Variants in COPB2 observed in about 807,000 individuals in gnomAD.
COPB2 encodes the protein coatomer subunit beta'.
Under a neutral mutation model 120.8 loss-of-function variants are expected in COPB2, and 16 were observed. The ratio of observed to expected loss-of-function variants is 0.13; its 90% CI spans 0.09 to 0.20. COPB2 has a LOEUF of 0.20. Among genes scored for constraint, COPB2 ranks in the 10% least tolerant of loss-of-function variants. The pLI is 1.00. For missense variants in COPB2, 794 were observed against 1,076.5 expected, an observed-to-expected ratio of 0.74 and a Z score of 3.67; for synonymous variants, 332 against 366.3, an observed-to-expected ratio of 0.91 and a Z score of 1.07.
At chr3:139,383,268 A>G (rs1336476919) in intron 2 of COPB2, 30 bp downstream of exon 2, 27 of 1,608,920 alleles carry the variant, frequency 1.7e-5, no homozygotes, top group Non-Finnish European at 2.3e-5. Flanking sequence ...ATAGTATTTT[A>G]TTTCTAATAC....
At chr3:139,361,415 T>G (rs775370744) in intron 16 of COPB2, 120 bp from the exon 17 acceptor site, 28 of 966,786 alleles carry the variant, frequency 2.9e-5, no homozygotes, top group Non-Finnish European at 4.0e-5. Flanking sequence ...TTAAGTTGGC[T>G]CTATCAAAAT....
rs562282853 is a variant in COPB2 at position 139,376,416 on chromosome 3, T to C, written c.505-802A>G. On this transcript the variant is annotated intron_variant, in intron 5 of 21. Transcript: ENST00000333188. Reference sequence around the variant, plus strand: ...TGAGTGCCTATTATATGGGAGGCCCTGTGGGGAGTATAAACGTGTAACAAA... The same window carrying C: ...TGAGTGCCTATTATATGGGAGGCCCCGTGGGGAGTATAAACGTGTAACAAA... Among the ~76,000 whole-genome samples the C allele has an allele frequency of 2.6e-5, 4 of 152,224 alleles. No individual in the cohort carries two copies. The South Asian group carries it at 8.3e-4, about 32-fold the overall frequency.
rs188640469 is a variant in COPB2, at chr3:139,388,889, G to C, written c.3+659C>G. ...TATTATAACACTCTTGTGCAAACTAGTCTAGGGCGTTTTTTAGGGTTACGG... is the reference window on the plus strand; with the variant it reads ...TATTATAACACTCTTGTGCAAACTACTCTAGGGCGTTTTTTAGGGTTACGG... On this transcript the variant is annotated intron_variant, in intron 1 of 21. Transcript: ENST00000333188. Among the ~76,000 whole-genome samples, 18 of 151,400 alleles carry C rather than the reference G, an allele frequency of 1.2e-4. No homozygotes were observed. The East Asian group carries it at 3.5e-3, about 29-fold the overall frequency.
rs751471913 is a variant in COPB2 at position 139,367,031 on chromosome 3, T to C, written c.1660A>G (p.Ile554Val). The C allele has an allele frequency of 6.2e-7, 1 of 1,612,538 alleles. No individual in the cohort carries two copies. The highest frequency in any genetic ancestry group is 1.1e-5 in the South Asian group (1 of 90,476). The change falls in exon 14 of 22, where the codon ATT becomes GTT. Residue 554 changes from isoleucine to valine, a missense_variant. By Grantham distance (29) the Ile-to-Val change is conservative. Around this residue, in one of 3 missense-constraint regions of COPB2, gnomAD observed 610 missense variants for 866.7 expected, o/e 0.70. Transcript: ENST00000333188. Reference sequence around the variant, plus strand: ...CTCAGGTACCTGTCCAAGTGGGCAATGGTGACTATTTCTCCTCCAACATAA... The same window carrying C: ...CTCAGGTACCTGTCCAAGTGGGCAACGGTGACTATTTCTCCTCCAACATAA... ...NYYVGGEIVT[I>V]AHLDRTMYLL...
At chr3:139,359,458 T>C (rs1214607222) in intron 17 of COPB2, 96 bp from the exon 18 acceptor site, 2 of 1,056,752 alleles carry the variant, frequency 1.9e-6, no homozygotes, top group East Asian at 2.5e-5. Flanking sequence ...AAGCCAAAAA[T>C]CTCCCCAATC....
At position 139,359,220 on chromosome 3, in the gene COPB2, G is replaced by A. The variant is rs372480481; in HGVS notation, c.2304-42C>T. On this transcript the variant is annotated intron_variant, in intron 18 of 21. Transcript: ENST00000333188. ...GGAACCAAAGAGAGACTAAGTAAAT[G>A]TGCTCTCTTTTTATTGGAAACATTT... 1.7e-5 allele frequency: 28 copies of A among 1,610,286 alleles called. 1 individual carries two copies. Among genetic ancestry groups the A allele is most frequent in the South Asian group, 2.2e-5 (2 of 90,940 alleles).
chr3:139,368,221 T>C lies in COPB2; in HGVS notation c.1469A>G (p.Tyr490Cys), dbSNP rs764103850. The change falls in exon 13 of 22, where the codon TAT becomes TGT. Residue 490 changes from tyrosine to cysteine, a missense_variant. Tyr to Cys is a radical substitution (Grantham distance 194). Coordinates refer to ENST00000333188, the MANE Select transcript of COPB2 (RefSeq NM_004766.3). ...TGCAGCCAAGACTTTTTCTGACAGA[T>C]ACTTAAGGATAAAAAATGATTCCTC... ...ATEESFFILK[Y>C]LSEKVLAAQE... is the part of the protein sequence containing the mutation. The C allele has an allele frequency of 5.0e-6, 8 of 1,613,796 alleles. No individual in the cohort carries two copies. Among genetic ancestry groups the C allele is most frequent in the Admixed American group, 1.7e-5 (1 of 59,978 alleles).
At chr3:139,362,251 C>T (rs1304236077) in intron 16 of COPB2, among the ~76,000 whole-genome samples, 156 bp downstream of exon 16, 1 of 152,164 alleles carries the variant, frequency 6.6e-6, no homozygotes, top group African/African-American at 2.4e-5. Flanking sequence ...TAACATAATA[C>T]ATCTTTTAAA....
intron 5 of COPB2, among the ~76,000 whole-genome samples, 195 bp from the exon 6 acceptor site, chr3:139,375,809 G>A (rs190061174): frequency 5.9e-5 from 9 of 152,184 alleles, no homozygotes; most frequent in East Asian, 1.9e-4. Flanking sequence ...TCACTATGGC[G>A]TTCTTTAAAA....
rs1033016902 is a variant in COPB2 at position 139,373,497 on chromosome 3, G to C, written c.895-85C>G. The C allele has an allele frequency of 3.9e-6, 6 of 1,530,690 alleles. No individual in the cohort carries two copies. In the Admixed American group the frequency reaches 5.5e-5, roughly 14 times the overall value. 94.8% of individuals were successfully genotyped at this position (1,530,690 alleles called of 1,614,324 possible). A position where few individuals can be genotyped will look rare whatever the true frequency, so the allele number is the denominator to read the frequency against. The stretch of plus-strand genomic sequence containing the variant: ...AACAGATTATTTTTTTCACCTAACA[G>C]AGAGCTCCATTTCCTTTCTTCCACT... On this transcript the variant is annotated intron_variant, in intron 8 of 21. Coordinates refer to ENST00000333188, the MANE Select transcript of COPB2 (RefSeq NM_004766.3).
intron 15 of COPB2, 38 bp from the exon 16 acceptor site, chr3:139,362,555 AC>A (rs767436146): frequency 2.3e-6 from 3 of 1,328,996 alleles, no homozygotes; most frequent in East Asian, 2.6e-5. Flanking sequence ...ATTTATGCAT[AC>A]AAAAATGTAT....
At chr3:139,382,935 G>A (rs13060697) in intron 2 of COPB2, 58,682 of 218,130 alleles carry the variant, frequency 0.27, 10,106 homozygotes, top group East Asian at 0.86. Flanking sequence ...GCATCTGGGA[G>A]AAAAATAAAT....
At chr3:139,368,062 TGTTAAAA>T (rs1311672694) in intron 13 of COPB2, 76 bp downstream of exon 13, 5 of 1,424,540 alleles carry the variant, frequency 3.5e-6, no homozygotes. Context: ...TATAACGAAA[TGTTAAAA>T]TCAGTAAAGT....
chr3:139,374,684 A>G, intron 6 of COPB2, 96 bp from the exon 7 acceptor site: 1 of 837,374 alleles, frequency 1.2e-6, no homozygotes, highest in Non-Finnish European at 1.8e-6. Context: ...TATAAATGAT[A>G]GTAGTCATGA....
rs182248234 is a variant in COPB2 at position 139,370,553 on chromosome 3, T to C, written c.1206-1009A>G. On this transcript the variant is annotated intron_variant, in intron 10 of 21. Transcript: ENST00000333188. ...CATTCTGTCTTCTGTAAATTATACC[T>C]CAATAAGGGCGATTTAAATAATAAA... 5.1e-3 allele frequency among the ~76,000 whole-genome samples: 774 copies of C among 152,296 alleles called. 7 individuals are homozygous for C. The highest frequency in any genetic ancestry group is 7.5e-3 in the Non-Finnish European group (509 of 68,030).
rs781593649 is a variant in COPB2 at position 139,358,196 on chromosome 3, C to T, written c.2625+4G>A. On this transcript the variant is annotated splice_donor_region_variant and intron_variant, in intron 21 of 21. Transcript: ENST00000333188. ...GGGAGGTTTGAGTATGATGTCTGACCTACCTTTTCTTCTTTGTTGGCTGTG... is the reference window on the plus strand; with the variant it reads ...GGGAGGTTTGAGTATGATGTCTGACTTACCTTTTCTTCTTTGTTGGCTGTG... 7 of 1,613,608 alleles carry T rather than the reference C, an allele frequency of 4.3e-6. No homozygotes were observed. The highest frequency in any genetic ancestry group is 1.7e-5 in the Admixed American group (1 of 59,996).
At chr3:139,358,341 G>A in intron 20 of COPB2, 70 bp from the exon 21 acceptor site, 1 of 1,344,510 alleles carries the variant, frequency 7.4e-7, no homozygotes, top group Non-Finnish European at 1.1e-6. Context: ...TTTCCCCCAA[G>A]AAAAGGATGA....
At chr3:139,385,842 G>C (rs534735209) in intron 1 of COPB2, among the ~76,000 whole-genome samples, 3 of 152,242 alleles carry the variant, frequency 2.0e-5, no homozygotes, top group Non-Finnish European at 4.4e-5. Context: ...CTCTCTAGGA[G>C]GCATGCTGAG....
intron 10 of COPB2, among the ~76,000 whole-genome samples, chr3:139,370,698 G>T (rs1238717898): frequency 6.6e-6 from 1 of 152,158 alleles, no homozygotes; most frequent in African/African-American, 2.4e-5. Flanking sequence ...CTGAGGAAGT[G>T]ATGTGATGAG....
Sources: allele counts gnomAD v4.1 joint callset (sites outside exome capture counted in the v4.1 genomes callset), GRCh38; gene constraint gnomAD v4.1.1; regional missense constraint gnomAD v4.1.1; transcripts MANE v1.5; gene names NCBI Gene and HGNC (gene_info 2026-07-23, HGNC 2026-07-21).